MTM1: variants seen among roughly 807,000 people sequenced by gnomAD.
The protein encoded by MTM1 is myotubularin 1, also known as myotubularin.
Under a neutral mutation model 52.1 loss-of-function variants are expected in MTM1, and 9 were observed. The ratio of observed to expected loss-of-function variants is 0.17; its 90% CI spans 0.10 to 0.30. The LOEUF (loss-of-function observed/expected upper bound fraction) is 0.30. Among genes scored for constraint, MTM1 ranks in the 10% least tolerant of loss-of-function variants. The pLI is 1.00. For missense variants in MTM1, 277 were observed against 470.7 expected, an observed-to-expected ratio of 0.59 and a Z score of 3.81; for synonymous variants, 136 against 163.8, an observed-to-expected ratio of 0.83 and a Z score of 1.29.
At chrX:150,608,987 G>A (rs893327002) in intron 4 of MTM1, among the ~76,000 whole-genome samples, 5 of 110,535 alleles carry the variant, frequency 4.5e-5, no homozygotes, top group Admixed American at 1.9e-4. Context: ...CTGCCACCAC[G>A]CCCAGCTGAT....
rs1557415137 is a variant in MTM1 at position 150,671,479 on chromosome X, G to A, written c.1696G>A (p.Glu566Lys). The A allele has an allele frequency of 2.5e-6, 3 of 1,211,054 alleles. No homozygotes were observed. Residue 566 changes from glutamate (E) to lysine (K), a missense_variant, in exon 15 of 15, where the codon GAA becomes AAA. By Grantham distance (56) the Glu-to-Lys change is moderately conservative. Coordinates refer to ENST00000370396, the MANE Select transcript of MTM1 (RefSeq NM_000252.3). ...CATGGAGCTCTTAGCCTTACGCGAC[G>A]AATACATAAAGCGGCTTGAGGAACT... ...RYMELLALRD[E>K]YIKRLEELQL... is the part of the protein sequence containing the mutation.
chrX:150,622,087 C>T lies in MTM1; in HGVS notation c.444+2948C>T, dbSNP rs182242936. ...CTCTGTTGCTGTTATTGGAGTCATCCACAGAGGGCTTGATTTCTCAAGTCT... is the reference window on the plus strand; with the variant it reads ...CTCTGTTGCTGTTATTGGAGTCATCTACAGAGGGCTTGATTTCTCAAGTCT... On this transcript the variant is annotated intron_variant, in intron 6 of 14. Transcript: ENST00000370396. 7.3e-5 allele frequency among the ~76,000 whole-genome samples: 8 copies of T among 109,826 alleles called. No individual in the cohort carries two copies. In the East Asian group the frequency reaches 2.0e-3, roughly 27 times the overall value.
At chrX:150,592,716 C>A in intron 2 of MTM1, 39 bp downstream of exon 2, 1 of 942,585 alleles carries the variant, frequency 1.1e-6, no homozygotes, top group Non-Finnish European at 1.5e-6. Context: ...TCTTTCCTTG[C>A]ATTTATTTTG....
intron 10 of MTM1, among the ~76,000 whole-genome samples, chrX:150,655,777 T>C (rs1294187682): frequency 8.9e-6 from 1 of 111,795 alleles, no homozygotes; most frequent in Non-Finnish European, 1.9e-5. Flanking sequence ...AAGTAAACTT[T>C]TTGGGTGATG....
intron 9 of MTM1, among the ~76,000 whole-genome samples, chrX:150,647,194 AATATATATATATAT>A (rs59931479): frequency 1.6e-4 from 13 of 83,682 alleles, no homozygotes; most frequent in South Asian, 1.3e-3. Flanking sequence ...TTTCAGGGTG[AATATATATATATAT>A]ATATATATAT....
intron 1 of MTM1, among the ~76,000 whole-genome samples, chrX:150,571,723 C>T (rs1043336498): frequency 8.0e-5 from 9 of 112,311 alleles, no homozygotes; most frequent in East Asian, 5.5e-4. Flanking sequence ...TGGTTCCAGG[C>T]GACGCTGGCA....
chrX:150,661,046 CAG>C (rs1319787416), intron 13 of MTM1, among the ~76,000 whole-genome samples: 7 of 111,052 alleles, frequency 6.3e-5, no homozygotes, highest in African/African-American at 2.3e-4. Context: ...TTGTTTGAGA[CAG>C]GGTTTCACTG....
chrX:150,612,604 G>A (rs1028963291), intron 4 of MTM1, among the ~76,000 whole-genome samples: 1 of 109,791 alleles, frequency 9.1e-6, no homozygotes, highest in African/African-American at 3.3e-5. Context: ...CAGCTACTCA[G>A]GAGGCTGATG....
Position 150,587,793 on chromosome X carries a change from C to T in MTM1, c.-10-4812C>T, listed in dbSNP as rs782626010. 1.5e-4 allele frequency among the ~76,000 whole-genome samples: 17 copies of T among 111,654 alleles called. No individual in the cohort carries two copies. The East Asian group carries it at 3.9e-3, about 26-fold the overall frequency. ...TGTGAATGGTTCTCATTGGGGGTGACGCTCCCCCTAGAGGCCAAATTGGAA... is the reference window on the plus strand; with the variant it reads ...TGTGAATGGTTCTCATTGGGGGTGATGCTCCCCCTAGAGGCCAAATTGGAA... On this transcript the variant is annotated intron_variant, in intron 1 of 14. Transcript: ENST00000370396.
Position 150,584,249 on chromosome X carries a change from G to A in MTM1, c.-10-8356G>A, listed in dbSNP as rs782314272. The stretch of plus-strand genomic sequence containing the variant: ...GTGCAAAGCAGTGGACTGCTATGCA[G>A]CTGTGAAAATGAGTGGAACACAACT... On this transcript the variant is annotated intron_variant, in intron 1 of 14. Coordinates refer to ENST00000370396, the MANE Select transcript of MTM1 (RefSeq NM_000252.3). Among the ~76,000 whole-genome samples the A allele has an allele frequency of 7.4e-5, 8 of 108,007 alleles. No homozygotes were observed. The South Asian group carries it at 3.2e-3, about 43-fold the overall frequency. The allele number at this position is 108,007 out of a possible 115,157, so 93.8% of individuals were successfully genotyped here. A position where few individuals can be genotyped will look rare whatever the true frequency, so the allele number is the denominator to read the frequency against.
chrX:150,650,064 C>T (rs1295716601), intron 10 of MTM1, among the ~76,000 whole-genome samples, 163 bp downstream of exon 10: 1 of 111,611 alleles, frequency 9.0e-6, no homozygotes, highest in Non-Finnish European at 1.9e-5. Flanking sequence ...ATTTGCTTAC[C>T]TAAATTAAAG....
At chrX:150,591,249 A>ACT (rs1569565371) in intron 1 of MTM1, among the ~76,000 whole-genome samples, 3 of 112,385 alleles carry the variant, frequency 2.7e-5, no homozygotes, top group African/African-American at 9.7e-5. Flanking sequence ...GTAGTTGCCT[A>ACT]GTTCCAGTGT....
chrX:150,651,485 G>GTTTTTTTTTTTTTTT (rs56302527), intron 10 of MTM1, among the ~76,000 whole-genome samples: 1 of 74,840 alleles, frequency 1.3e-5, no homozygotes. Context: ...CAATTAGGTT[G>GTTTTTTTTTTTTTTT]TTTTTTTTTT....
rs376727810 is a variant in MTM1, at chrX:150,671,624, C to T, written c.*29C>T. On this transcript the variant is annotated 3_prime_UTR_variant, in exon 15 of 15. Transcript: ENST00000370396. ...GGGACCCTGGCACCGCATTAGAGCTCGAAATAAAGGCGATAGCTGACTTTC... is the reference window on the plus strand; with the variant it reads ...GGGACCCTGGCACCGCATTAGAGCTTGAAATAAAGGCGATAGCTGACTTTC... 1.1e-4 allele frequency: 130 copies of T among 1,198,280 alleles called. No homozygotes were observed. In the African/African-American group the frequency reaches 1.4e-3, roughly 13 times the overall value.
At chrX:150,622,593 C>T (rs1040449006) in intron 6 of MTM1, among the ~76,000 whole-genome samples, 3 of 111,806 alleles carry the variant, frequency 2.7e-5, no homozygotes, top group East Asian at 2.8e-4. Context: ...GCAAGAGAAA[C>T]GCAAAGGAAA....
intron 4 of MTM1, among the ~76,000 whole-genome samples, chrX:150,612,313 C>T (rs782634497): frequency 1.8e-5 from 2 of 111,813 alleles, no homozygotes; most frequent in Admixed American, 9.5e-5. Context: ...TATGGATGCT[C>T]GCAGCCTTAC....
intron 4 of MTM1, among the ~76,000 whole-genome samples, chrX:150,605,694 C>T (rs1419217150): frequency 2.7e-5 from 3 of 112,206 alleles, no homozygotes; most frequent in Admixed American, 9.5e-5. Context: ...AGAATCAAGA[C>T]GAGTAGGCAG....
the MTM1 span, among the ~76,000 whole-genome samples, chrX:150,563,375 A>G: frequency 1.2e-5 from 1 of 84,417 alleles, no homozygotes; most frequent in African/African-American, 4.7e-5. Flanking sequence ...AGTGCAGTGC[A>G]GTGATCTTGG....
At chrX:150,627,742 C>T (rs1336915747) in intron 6 of MTM1, among the ~76,000 whole-genome samples, 4 of 111,611 alleles carry the variant, frequency 3.6e-5, no homozygotes, top group Non-Finnish European at 7.5e-5. Flanking sequence ...AATTCCTCTT[C>T]CTTGGAAGTT....
Sources: allele counts gnomAD v4.1 joint callset (sites outside exome capture counted in the v4.1 genomes callset), GRCh38; gene constraint gnomAD v4.1.1; transcripts MANE v1.5; gene names NCBI Gene and HGNC (gene_info 2026-07-23, HGNC 2026-07-21).